Variants in TCF20 observed in about 807,000 individuals in gnomAD.
TCF20 encodes the protein SPRE-binding protein.
A neutral mutation model predicts 148.6 loss-of-function variants in TCF20; 3 were observed. The ratio of observed to expected loss-of-function variants is 0.02; its 90% CI spans 0.01 to 0.05. The LOEUF (loss-of-function observed/expected upper bound fraction) is 0.05. TCF20 is among the 10% of genes least tolerant of loss of function. TCF20 has a pLI of 1.00. For missense variants in TCF20, 2,350 were observed against 2,429.3 expected (o/e 0.97, Z 0.69); for synonymous variants, 1,049 against 909.5 (o/e 1.15, Z -2.76).
intron 2 of TCF20, among the ~76,000 whole-genome samples, chr22:42,202,731 T>A (rs187580447): frequency 2.0e-5 from 3 of 152,204 alleles, no homozygotes; most frequent in African/African-American, 7.2e-5. Flanking sequence ...CAGTATTGGA[T>A]GAAGCAAGCC....
At chr22:42,240,079 G>C (rs1924260541) in intron 1 of TCF20, among the ~76,000 whole-genome samples, 1 of 152,164 alleles carries the variant, frequency 6.6e-6, no homozygotes, top group South Asian at 2.1e-4. Context: ...ATTACTGTAA[G>C]TCTGGCAATG....
At chr22:42,232,201 G>T (rs1694695362) in intron 1 of TCF20, among the ~76,000 whole-genome samples, 1 of 152,008 alleles carries the variant, frequency 6.6e-6, no homozygotes, top group Non-Finnish European at 1.5e-5. Context: ...ATCTCCTACA[G>T]CATTCAGTAC....
intron 1 of TCF20, among the ~76,000 whole-genome samples, chr22:42,302,183 C>T (rs1389232025): frequency 4.6e-5 from 7 of 152,160 alleles, no homozygotes; most frequent in Admixed American, 2.0e-4. Flanking sequence ...AGGGCACTAT[C>T]GGGTGTTGAG....
At position 42,212,523 on chromosome 22, in the gene TCF20, A is replaced by G. The variant is rs1288726783; in HGVS notation, c.2783T>C (p.Ile928Thr). 6.2e-7 allele frequency: 1 copy of G among 1,614,098 alleles called. No individual in the cohort carries two copies. The highest frequency in any genetic ancestry group is 8.5e-7 in the Non-Finnish European group (1 of 1,179,944). The stretch of plus-strand genomic sequence containing the variant: ...AGACTGTTCAAAGTCTTCCTCTTTT[A>G]TCTGCCCGCTCTGGGATTTCAGCTT... ...ETKLKSQSGQ[I>T]KEEDFEQSKS... The change falls in exon 2 of 6, where the codon ATA becomes ACA. Residue 928 changes from isoleucine to threonine, a missense_variant. By Grantham distance (89) the Ile-to-Thr change is moderately conservative. Transcript: ENST00000677622.
rs1927153458 is a variant in TCF20, at chr22:42,292,671, G to A, written c.-37+50808C>T. Among the ~76,000 whole-genome samples the A allele has an allele frequency of 6.6e-6, 1 of 152,068 alleles. No individual in the cohort carries two copies. Among genetic ancestry groups the A allele is most frequent in the Non-Finnish European group, 1.5e-5 (1 of 68,004 alleles). On this transcript the variant is annotated intron_variant, in intron 1 of 1. Transcript: ENST00000515426. This position sits in a 1 kb window ranked among gnomAD's most constrained non-coding sequence, Gnocchi z 4.9. ...AGGAACTTGGAGGACAAGGAGGCCT[G>A]TTTGAGCTGCAAAGCAGCACACACC...
At chr22:42,219,987 C>A (rs988611361) in intron 1 of TCF20, among the ~76,000 whole-genome samples, 5 of 152,138 alleles carry the variant, frequency 3.3e-5, no homozygotes, top group Non-Finnish European at 5.9e-5. Context: ...TAGTGAGGTC[C>A]AGAACTCTGT....
intron 1 of TCF20, among the ~76,000 whole-genome samples, chr22:42,339,361 G>A (rs1928123831): frequency 6.6e-6 from 1 of 152,222 alleles, no homozygotes; most frequent in African/African-American, 2.4e-5. Flanking sequence ...TGGGGTTTCA[G>A]AATCCAAAAC....
Position 42,297,768 on chromosome 22 carries a change from G to A in TCF20, c.-37+45711C>T, listed in dbSNP as rs142600462. Among the ~76,000 whole-genome samples the A allele has an allele frequency of 3.9e-3, 595 of 152,268 alleles. 5 individuals are homozygous for A. The highest frequency in any genetic ancestry group is 0.014 in the African/African-American group (564 of 41,546). ...AAACCACAACAGAAGGCCTCGGGTC[G>A]CATCCCCCCACCAGCTGGGGCCCCT... On this transcript the variant is annotated intron_variant, in intron 1 of 1. Coordinates refer to the TCF20 transcript ENST00000515426. This position sits in a 1 kb window ranked among gnomAD's most constrained non-coding sequence, Gnocchi z 4.3.
intron 1 of TCF20, among the ~76,000 whole-genome samples, chr22:42,224,178 A>G (rs1434415984): frequency 1.3e-5 from 2 of 152,070 alleles, no homozygotes; most frequent in African/African-American, 4.8e-5. Flanking sequence ...ATTTGTAACT[A>G]TTACATTTCC....
intron 2 of TCF20, among the ~76,000 whole-genome samples, chr22:42,206,277 T>C (rs995945664): frequency 4.6e-5 from 7 of 152,146 alleles, no homozygotes; most frequent in Admixed American, 2.6e-4. Flanking sequence ...ATAAACAGGC[T>C]GGGCGCAGTG....
intron 1 of TCF20, among the ~76,000 whole-genome samples, chr22:42,242,913 C>A (rs1370851028): frequency 6.6e-6 from 1 of 151,640 alleles, no homozygotes; most frequent in African/African-American, 2.4e-5. Context: ...CATGCAGGAA[C>A]CTTAAATGAT....
At chr22:42,193,849 A>G (rs11913176) in intron 2 of TCF20, among the ~76,000 whole-genome samples, 3,338 of 152,308 alleles carry the variant, frequency 0.022, 145 homozygotes, top group African/African-American at 0.077. Context: ...AAGACCGTCC[A>G]GTAAATTCAA....
chr22:42,314,337 G>A (rs1256499129), intron 1 of TCF20, among the ~76,000 whole-genome samples: 1 of 152,276 alleles, frequency 6.6e-6, no homozygotes, highest in Non-Finnish European at 1.5e-5. Flanking sequence ...ACCAGCTGCC[G>A]CTGCCGGGGG....
chr22:42,209,175 C>A (rs1938597442), intron 2 of TCF20, among the ~76,000 whole-genome samples: 1 of 152,196 alleles, frequency 6.6e-6, no homozygotes, highest in African/African-American at 2.4e-5. Context: ...AGGATCTCAA[C>A]ATTTTTACAC....
intron 1 of TCF20, among the ~76,000 whole-genome samples, chr22:42,230,642 C>CA (rs71184875): frequency 0.48 from 70,782 of 146,820 alleles, 17,203 homozygotes; most frequent in South Asian, 0.58. Flanking sequence ...GAGACTGTCT[C>CA]AAAAAAAAAA....
chr22:42,329,143 C>A (rs879614756), intron 1 of TCF20, among the ~76,000 whole-genome samples: 1 of 152,238 alleles, frequency 6.6e-6, no homozygotes, highest in African/African-American at 2.4e-5. Context: ...ATAAACCATT[C>A]TCTTCCAGGG....
rs368687071 is a variant in TCF20, at chr22:42,204,771, C to T, written c.5655+4880G>A. On this transcript the variant is annotated intron_variant, in intron 2 of 5. Transcript: ENST00000677622. ...GAGGCAGGAGAGTCACTTGAACCCA[C>T]GAGGAGGTGGTTGCAGTGAGCCAAG... is the stretch of plus-strand genomic sequence containing the variant. Among the ~76,000 whole-genome samples the T allele has an allele frequency of 9.9e-5, 15 of 151,428 alleles. No homozygotes were observed. In the East Asian group the frequency reaches 1.8e-3, roughly 18 times the overall value.
At chr22:42,242,278 C>G (rs941568961) in intron 1 of TCF20, among the ~76,000 whole-genome samples, 2 of 148,188 alleles carry the variant, frequency 1.3e-5, no homozygotes, top group Non-Finnish European at 3.0e-5. Context: ...TATGGGTGGA[C>G]TCTTAGAATG....
In TCF20 at chr22:42,160,889, C is replaced by G. The variant is rs1241885919; in HGVS notation, c.*514G>C. 6.5e-6 allele frequency: 1 copy of G among 154,294 alleles called. No homozygotes were observed. The highest frequency in any genetic ancestry group is 1.4e-5 in the Non-Finnish European group (1 of 69,558). The allele number at this position is 154,294 out of a possible 1,614,324, so 9.6% of individuals were successfully genotyped here. On this transcript the variant is annotated 3_prime_UTR_variant, in exon 6 of 6. Coordinates refer to ENST00000677622, the MANE Select transcript of TCF20 (RefSeq NM_001378418.1). The stretch of plus-strand genomic sequence containing the variant: ...GCTAAAGATCAACGCCACACACACA[C>G]CCCGTCCTTCATGAGATGAGGGTTT...
Sources: gnomAD v4.1 joint callset for allele counts (sites outside exome capture counted in the v4.1 genomes callset) on GRCh38, gnomAD v4.1.1 for gene constraint, Gnocchi (gnomAD v3.1) non-coding constraint, MANE v1.5 for transcripts, NCBI Gene and HGNC (gene_info 2026-07-23, HGNC 2026-07-21) for gene names.